GNE: variants seen among roughly 807,000 people sequenced by gnomAD.
GNE encodes bifunctional UDP-N-acetylglucosamine 2-epimerase/N-acetylmannosamine kinase.
In GNE, 41 loss-of-function variants were observed where a neutral mutation model predicts 61.8. The ratio of observed to expected loss-of-function variants is 0.66; its 90% CI spans 0.52 to 0.86. GNE has a LOEUF of 0.86. Ranked by LOEUF, GNE falls within the 40% of genes least tolerant of loss-of-function variation. The probability of loss-of-function intolerance (pLI) is 0.00; values close to 1 mark genes in which losing one functional copy is unlikely to be tolerated. For synonymous variants in GNE, 264 were observed against 326.4 expected (o/e 0.81, Z 2.06); for missense variants, 608 against 909.1 (o/e 0.67, Z 4.26).
exon 1 of GNE, chr9:36,276,955 G>A (rs374252190): frequency 1.5e-5 from 24 of 1,612,926 alleles, no homozygotes; most frequent in South Asian, 1.1e-4. Flanking sequence ...CCCGAAGCAC[G>A]AGCTCTGTAC....
chr9:36,247,974 C>T (rs1319969308), intron 2 of GNE, among the ~76,000 whole-genome samples: 1 of 145,166 alleles, frequency 6.9e-6, no homozygotes, highest in Non-Finnish European at 1.5e-5. Flanking sequence ...TGCAGTGAGC[C>T]GAGATCACGC....
intron 3 of GNE, among the ~76,000 whole-genome samples, chr9:36,237,493 T>G (rs780656003): frequency 2.0e-5 from 3 of 152,154 alleles, no homozygotes; most frequent in Non-Finnish European, 4.4e-5. Flanking sequence ...TAGGAGAGTT[T>G]CGCTCATCCC....
At chr9:36,242,784 C>G (rs1829699122) in intron 3 of GNE, among the ~76,000 whole-genome samples, 1 of 129,232 alleles carries the variant, frequency 7.7e-6, no homozygotes, top group South Asian at 2.4e-4. Context: ...TTCACCCAGG[C>G]TGGAGTGTGG....
At chr9:36,224,045 C>T (rs1263752928) in intron 7 of GNE, among the ~76,000 whole-genome samples, 1 of 152,056 alleles carries the variant, frequency 6.6e-6, no homozygotes, top group East Asian at 1.9e-4. Context: ...AGCCACTGCC[C>T]CCGGCCGGGC....
At chr9:36,244,701 GC>G (rs1244589273) in intron 3 of GNE, among the ~76,000 whole-genome samples, 2 of 151,858 alleles carry the variant, frequency 1.3e-5, no homozygotes, top group Non-Finnish European at 2.9e-5. Flanking sequence ...ACTTTGGGAG[GC>G]CGAGGTGGGC....
chr9:36,222,802 G>T lies in GNE; in HGVS notation c.1608C>A (p.Asn536Lys). The T allele has an allele frequency of 6.2e-7, 1 of 1,613,930 alleles. No homozygotes were observed. Among genetic ancestry groups the T allele is most frequent in the Non-Finnish European group, 8.5e-7 (1 of 1,179,792 alleles). The part of the protein sequence containing the change: ...RKFGQGKGLE[N>K]FVTLITGTGI... Reference sequence around the variant, plus strand: ...CTGTGCCTGTGATAAGTGTAACAAAGTTTTCCAGTCCCTTTCCTTGGCCAA... The same window carrying T: ...CTGTGCCTGTGATAAGTGTAACAAATTTTTCCAGTCCCTTTCCTTGGCCAA... The change falls in exon 9 of 12, where the codon AAC becomes AAA. Residue 536 changes from asparagine (N) to lysine (K), a missense_variant. Asn to Lys is a moderately conservative substitution (Grantham distance 94). Transcript: ENST00000642385.
At chr9:36,220,113 A>G in intron 9 of GNE, 93 bp from the exon 10 acceptor site, 1 of 1,029,694 alleles carries the variant, frequency 9.7e-7, no homozygotes, top group Non-Finnish European at 1.5e-6. Context: ...GAGCTTTGGC[A>G]TGTGAGGGTC....
chr9:36,252,132 T>A (rs1830128638), intron 1 of GNE, among the ~76,000 whole-genome samples: 1 of 151,912 alleles, frequency 6.6e-6, no homozygotes, highest in Non-Finnish European at 1.5e-5. Context: ...ATTACATGCA[T>A]GTGCCACCAT....
In GNE at chr9:36,229,490, G is replaced by A. The variant is rs575393464; in HGVS notation, c.983-382C>T. Among the ~76,000 whole-genome samples the A allele has an allele frequency of 5.3e-5, 8 of 152,262 alleles. No individual in the cohort carries two copies. The South Asian group carries it at 1.7e-3, about 32-fold the overall frequency. On this transcript the variant is annotated intron_variant, in intron 5 of 11. Coordinates refer to ENST00000642385, the MANE Select transcript of GNE (RefSeq NM_005476.7). ...AGTGGTTCACTTGGCTGGTCAGGCA[G>A]TCACTTTCCCTCCAGACATTTCCTG...
chr9:36,222,031 C>CA (rs1465190942), intron 9 of GNE, among the ~76,000 whole-genome samples: 2 of 152,162 alleles, frequency 1.3e-5, no homozygotes, highest in Non-Finnish European at 2.9e-5. Flanking sequence ...ACCTGCCTGT[C>CA]ACCTCCCTGG....
intron 1 of GNE, among the ~76,000 whole-genome samples, chr9:36,264,505 A>G (rs1830705259): frequency 1.3e-5 from 2 of 152,184 alleles, no homozygotes; most frequent in Non-Finnish European, 2.9e-5. Flanking sequence ...ACTGTGAGCC[A>G]GGGAGAATCC....
chr9:36,230,392 C>A (rs1252852105), intron 5 of GNE, among the ~76,000 whole-genome samples: 2 of 152,180 alleles, frequency 1.3e-5, no homozygotes, highest in Non-Finnish European at 2.9e-5. Flanking sequence ...GCCCTTCCCT[C>A]TTCACCAGAA....
In GNE at chr9:36,236,840, A is replaced by G. The variant is rs1300430787; in HGVS notation, c.761T>C (p.Ile254Thr). The change falls in exon 4 of 12, where the codon ATT becomes ACT. Residue 254 changes from isoleucine to threonine, a missense_variant. By Grantham distance (89) the Ile-to-Thr change is moderately conservative. Coordinates refer to ENST00000642385, the MANE Select transcript of GNE (RefSeq NM_005476.7). ...NKRTLVLFPN[I>T]DAGSKEMVRV... ...TTTTCAAGTTCAATTACCTGCGTCA[A>G]TATTTGGAAACAGGACTAGGGTCCG... The G allele has an allele frequency of 1.2e-6, 2 of 1,613,888 alleles. No individual in the cohort carries two copies. Among genetic ancestry groups the G allele is most frequent in the Non-Finnish European group, 1.7e-6 (2 of 1,179,792 alleles).
In GNE at chr9:36,251,796, T is replaced by C. The variant is rs1587352461; in HGVS notation, c.-42-2399A>G. ...ACTGGAAATTCCATCAGTAGCCCTC[T>C]GCTGTTGGTACCTCAACACTCTCTT... is the stretch of plus-strand genomic sequence containing the variant. On this transcript the variant is annotated intron_variant, in intron 1 of 11. Transcript: ENST00000642385. Among the ~76,000 whole-genome samples, 6 of 152,146 alleles carry C rather than the reference T, an allele frequency of 3.9e-5. No homozygotes were observed. In the South Asian group the frequency reaches 1.2e-3, roughly 31 times the overall value.
chr9:36,233,995 A>C lies in GNE; in HGVS notation c.907T>G (p.Cys303Gly). 1 of 1,614,190 alleles carries C rather than the reference A, an allele frequency of 6.2e-7. No individual in the cohort carries two copies. The highest frequency in any genetic ancestry group is 2.2e-5 in the East Asian group (1 of 44,884). ...AAAGCTCCAACTTCTCGAACCCCACAGCTGCTGTTCCCAATCATACAGCCA... is the reference window on the plus strand; with the variant it reads ...AAAGCTCCAACTTCTCGAACCCCACCGCTGCTGTTCCCAATCATACAGCCA... ...HAGCMIGNSS[C>G]GVREVGAFGT... Residue 303 changes from cysteine to glycine, a missense_variant, in exon 5 of 12, where the codon TGT becomes GGT. Physicochemically the swap from Cys to Gly is radical, Grantham distance 159. Coordinates refer to ENST00000642385, the MANE Select transcript of GNE (RefSeq NM_005476.7).
At position 36,216,849 on chromosome 9, in the gene GNE, A is replaced by G. The variant is rs1828332651; in HGVS notation, c.*516T>C. 1 of 172,458 alleles carries G rather than the reference A, an allele frequency of 5.8e-6. No homozygotes were observed. Among genetic ancestry groups the G allele is most frequent in the Non-Finnish European group, 1.2e-5 (1 of 80,104 alleles). The allele number at this position is 172,458 out of a possible 1,614,324, so 10.7% of individuals were successfully genotyped here. A position where few individuals can be genotyped will look rare whatever the true frequency, so the allele number is the denominator to read the frequency against. ...AGCTAATTTTTTGTATTTTTAGTAG[A>G]GACGGGGTTTCACCATGTTTCACCA... On this transcript the variant is annotated 3_prime_UTR_variant, in exon 12 of 12. Coordinates refer to ENST00000642385, the MANE Select transcript of GNE (RefSeq NM_005476.7).
At chr9:36,275,367 G>A (rs1366603302) in intron 1 of GNE, among the ~76,000 whole-genome samples, 1 of 152,120 alleles carries the variant, frequency 6.6e-6, no homozygotes, top group Non-Finnish European at 1.5e-5. Context: ...TGTGATTGAA[G>A]ACAATAAAAT....
intron 1 of GNE, among the ~76,000 whole-genome samples, chr9:36,251,773 T>C (rs1830113391): frequency 2.0e-5 from 3 of 152,154 alleles, no homozygotes; most frequent in Admixed American, 6.6e-5. Flanking sequence ...TGAAATTCAC[T>C]GGAAATTCCA....
At chr9:36,228,140 C>G (rs887137260) in intron 6 of GNE, among the ~76,000 whole-genome samples, 1 of 150,584 alleles carries the variant, frequency 6.6e-6, no homozygotes, top group South Asian at 2.1e-4. Context: ...TAAATACATA[C>G]AATTTTATCT....
Sources: allele counts gnomAD v4.1 joint callset (sites outside exome capture counted in the v4.1 genomes callset), GRCh38; gene constraint gnomAD v4.1.1; transcripts MANE v1.5; gene names NCBI Gene and HGNC (gene_info 2026-07-23, HGNC 2026-07-21).